Variants in CCDC110 observed in about 807,000 individuals in gnomAD.
CCDC110 encodes coiled-coil domain containing 110.
Under a neutral mutation model 77.1 loss-of-function variants are expected in CCDC110, and 70 were observed. The observed-to-expected ratio is 0.91, with a 90% CI of 0.75 to 1.11. The LOEUF is 1.11. Ranked by LOEUF, CCDC110 falls within the 50% of genes least tolerant of loss-of-function variation. The pLI, the probability that CCDC110 is intolerant of heterozygous loss-of-function variation, is 0.00. For synonymous variants in CCDC110, 295 were observed against 312.5 expected (o/e 0.94, Z 0.59); for missense variants, 868 against 942.9 (o/e 0.92, Z 1.04).
chr4:185,462,847 C>T, intron 3 of CCDC110, 139 bp from the exon 4 acceptor site: 2 of 1,019,264 alleles, frequency 2.0e-6, no homozygotes, highest in Non-Finnish European at 3.0e-6. Flanking sequence ...CATTCTTAGG[C>T]ATTTTGCTAA....
At chr4:185,471,468 C>G in intron 1 of CCDC110, 1 of 538,284 alleles carries the variant, frequency 1.9e-6, no homozygotes. Context: ...GGCGGCAGAC[C>G]ACGTAGCCAG....
chr4:185,471,584 T>C, intron 1 of CCDC110, 90 bp downstream of exon 1: 1 of 1,428,730 alleles, frequency 7.0e-7, no homozygotes, highest in Non-Finnish European at 9.5e-7. Context: ...ATGTCCCGGG[T>C]TTTCGAGCGG....
rs112296003 is a variant in CCDC110 at position 185,445,878 on chromosome 4, A to T, written c.2462-336T>A. ...TTTTTTGAGACGGAGTTTCGCTCTT[A>T]TTGCCCAGGCTGGGGTACAATGGCG... is the stretch of plus-strand genomic sequence containing the variant. On this transcript the variant is annotated intron_variant, in intron 6 of 6. Transcript: ENST00000307588. 8.5e-3 allele frequency among the ~76,000 whole-genome samples: 1,288 copies of T among 152,092 alleles called. 16 individuals are homozygous for T. The highest frequency in any genetic ancestry group is 0.03 in the African/African-American group (1,234 of 41,474).
intron 2 of CCDC110, among the ~76,000 whole-genome samples, chr4:185,467,705 T>C (rs973870888): frequency 6.6e-6 from 1 of 152,244 alleles, no homozygotes; most frequent in South Asian, 2.1e-4. Context: ...TTGTATTCAA[T>C]GTATACAAAA....
Position 185,459,734 on chromosome 4 carries a change from G to A in CCDC110, c.853C>T (p.Pro285Ser). 6.2e-7 allele frequency: 1 copy of A among 1,613,516 alleles called. No homozygotes were observed. Among genetic ancestry groups the A allele is most frequent in the Non-Finnish European group, 8.5e-7 (1 of 1,179,854 alleles). Residue 285 changes from proline to serine, a missense_variant, in exon 6 of 7, where the codon CCT becomes TCT. Transcript: ENST00000307588. ...VHRNGKYDMS[P>S]IHQDKMNFIK... ...AAGTTCATTTTATCCTGGTGAATAG[G>A]GGACATGTCATATTTACCATTCCTG...
chr4:185,466,575 T>G (rs1194554621), intron 2 of CCDC110, among the ~76,000 whole-genome samples: 4 of 150,454 alleles, frequency 2.7e-5, no homozygotes. Context: ...AGAGGGATTT[T>G]TTTTCTTTTT....
intron 6 of CCDC110, among the ~76,000 whole-genome samples, chr4:185,447,501 A>C (rs2095617232): frequency 6.6e-6 from 1 of 152,120 alleles, no homozygotes; most frequent in South Asian, 2.1e-4. Context: ...TTTTCAAAAC[A>C]TTTATCTCAA....
At chr4:185,460,674 G>T (rs11132307) in intron 5 of CCDC110, among the ~76,000 whole-genome samples, 37 of 152,094 alleles carry the variant, frequency 2.4e-4, no homozygotes, top group African/African-American at 8.7e-4. Flanking sequence ...GGAAGTGTGA[G>T]TTCGAGTCAG....
rs969110265 is a variant in CCDC110 at position 185,468,688 on chromosome 4, A to T, written c.115+2257T>A. Among the ~76,000 whole-genome samples the T allele has an allele frequency of 6.6e-6, 1 of 152,128 alleles. No individual in the cohort carries two copies. Among genetic ancestry groups the T allele is most frequent in the Non-Finnish European group, 1.5e-5 (1 of 68,022 alleles). On this transcript the variant is annotated intron_variant, in intron 2 of 6. Coordinates refer to ENST00000307588, the MANE Select transcript of CCDC110 (RefSeq NM_152775.4). This position sits in a 1 kb window ranked among gnomAD's most constrained non-coding sequence, Gnocchi z 4.5. The stretch of plus-strand genomic sequence containing the variant: ...TTACTTCCTTCTGGTCTTGGCTCAG[A>T]CGTGACCTGCTGAGTGAGCCCTTCT...
chr4:185,457,516 C>G (rs911199760), intron 6 of CCDC110, among the ~76,000 whole-genome samples: 4 of 152,172 alleles, frequency 2.6e-5, no homozygotes, highest in Admixed American at 2.0e-4. Context: ...CTTAATCTCT[C>G]GCTCAGGAGT....
chr4:185,452,027 A>T (rs941355407), intron 6 of CCDC110, among the ~76,000 whole-genome samples: 3 of 152,250 alleles, frequency 2.0e-5, no homozygotes, highest in African/African-American at 7.2e-5. Flanking sequence ...TAAAACAATT[A>T]AGATTTTTCT....
At chr4:185,455,851 C>T (rs577918933) in intron 6 of CCDC110, among the ~76,000 whole-genome samples, 1 of 151,900 alleles carries the variant, frequency 6.6e-6, no homozygotes, top group South Asian at 2.1e-4. Context: ...CCATTGCACT[C>T]CAGCCCGGGC....
At chr4:185,457,494 T>C (rs762195102) in intron 6 of CCDC110, among the ~76,000 whole-genome samples, 2 of 152,204 alleles carry the variant, frequency 1.3e-5, no homozygotes, top group Non-Finnish European at 2.9e-5. Context: ...CCTGCTATTG[T>C]AACAAACTCT....
intron 2 of CCDC110, among the ~76,000 whole-genome samples, chr4:185,466,058 T>C (rs969699048): frequency 1.3e-5 from 2 of 152,152 alleles, no homozygotes; most frequent in Admixed American, 1.3e-4. Flanking sequence ...GTATGATTCA[T>C]GGGAGCAGCA....
At chr4:185,471,652 C>A (rs1268586385) in intron 1 of CCDC110, 22 bp downstream of exon 1, 11 of 1,558,432 alleles carry the variant, frequency 7.1e-6, no homozygotes, top group Non-Finnish European at 7.8e-6. Flanking sequence ...CCCCTAGGAG[C>A]CCCGCCCCGT....
intron 6 of CCDC110, among the ~76,000 whole-genome samples, chr4:185,446,830 C>A (rs2095613218): frequency 6.6e-6 from 1 of 152,182 alleles, no homozygotes; most frequent in African/African-American, 2.4e-5. Flanking sequence ...GACTAATTAG[C>A]TTGAGATGCC....
At chr4:185,460,277 T>G in intron 5 of CCDC110, 39 bp from the exon 6 acceptor site, 2 of 1,452,988 alleles carry the variant, frequency 1.4e-6, no homozygotes, top group Non-Finnish European at 1.9e-6. Context: ...GTATTGTCAT[T>G]TGCCACATGA....
chr4:185,470,147 C>A (rs567527404), intron 2 of CCDC110, among the ~76,000 whole-genome samples: 3 of 152,118 alleles, frequency 2.0e-5, no homozygotes, highest in Non-Finnish European at 1.5e-5. Context: ...AAACATCCTC[C>A]CCATATAATA....
intron 6 of CCDC110, among the ~76,000 whole-genome samples, chr4:185,449,258 C>T (rs912872537): frequency 2.0e-5 from 3 of 152,068 alleles, no homozygotes; most frequent in East Asian, 1.9e-4. Flanking sequence ...CGTGTTGGCT[C>T]GTGTGTAATC....
Sources: allele counts gnomAD v4.1 joint callset (sites outside exome capture counted in the v4.1 genomes callset), GRCh38; gene constraint gnomAD v4.1.1; non-coding constraint Gnocchi (gnomAD v3.1); transcripts MANE v1.5; gene names NCBI Gene and HGNC (gene_info 2026-07-23, HGNC 2026-07-21).